Variants in CD247 observed in about 807,000 individuals in gnomAD.
CD247 encodes T-cell surface glycoprotein CD3 zeta chain.
A neutral mutation model predicts 30.0 loss-of-function variants in CD247; 13 were observed. That is an observed-to-expected ratio of 0.43 (90% CI 0.28 to 0.69). The LOEUF is 0.69. Ranked by LOEUF, CD247 falls within the 30% of genes least tolerant of loss-of-function variation. The pLI is 0.16. For synonymous variants in CD247, 72 were observed against 80.0 expected (o/e 0.90, Z 0.53); for missense variants, 193 against 212.6 (o/e 0.91, Z 0.57).
intron 5 of CD247, chr1:167,434,413 A>C: frequency 1.0e-5 from 4 of 401,144 alleles, no homozygotes; most frequent in East Asian, 5.7e-5. Flanking sequence ...GAGCCCCAGA[A>C]TCATTTATCT....
intron 1 of CD247, among the ~76,000 whole-genome samples, chr1:167,480,641 G>A (rs1047184874): frequency 3.9e-5 from 6 of 152,336 alleles, no homozygotes; most frequent in African/African-American, 1.4e-4. Context: ...ATAGTTTGGA[G>A]GATGGTTTAA....
intron 1 of CD247, among the ~76,000 whole-genome samples, chr1:167,460,960 G>A (rs184015497): frequency 2.3e-4 from 35 of 152,376 alleles, no homozygotes; most frequent in African/African-American, 8.2e-4. Context: ...CTTTCCTGGA[G>A]GTGTGTTTGT....
intron 5 of CD247, chr1:167,434,327 CAA>C (rs1651422770): frequency 3.6e-6 from 2 of 560,524 alleles, no homozygotes; most frequent in Admixed American, 3.1e-5. Context: ...CTGAGGGGCT[CAA>C]GTTAGGCTCA....
intron 1 of CD247, among the ~76,000 whole-genome samples, chr1:167,452,532 C>T (rs952223995): frequency 3.9e-5 from 6 of 152,040 alleles, no homozygotes; most frequent in African/African-American, 7.3e-5. Flanking sequence ...TGGCACCTCA[C>T]GAGTGGTCAT....
chr1:167,498,051 C>T (rs1242966447), intron 1 of CD247, among the ~76,000 whole-genome samples: 4 of 152,160 alleles, frequency 2.6e-5, no homozygotes, highest in Non-Finnish European at 4.4e-5. Flanking sequence ...GGTGATGGTG[C>T]CATAGCTTGA....
rs1305621320 is a variant in CD247 at position 167,450,575 on chromosome 1, A to T, written c.59-9808T>A. ...AGTCCAAGAGATAAATCAGCAAAAG[A>T]TATAAATAGGCAATTCGCAGAGACA... On this transcript the variant is annotated intron_variant, in intron 1 of 7. Coordinates refer to ENST00000362089, the MANE Select transcript of CD247 (RefSeq NM_198053.3). Among the ~76,000 whole-genome samples, 4 of 152,240 alleles carry T rather than the reference A, an allele frequency of 2.6e-5. No individual in the cohort carries two copies. The East Asian group carries it at 7.7e-4, about 29-fold the overall frequency.
intron 1 of CD247, among the ~76,000 whole-genome samples, chr1:167,484,191 G>C (rs1429169512): frequency 6.6e-6 from 1 of 152,198 alleles, no homozygotes; most frequent in Admixed American, 6.5e-5. Flanking sequence ...TTCCTTTCTT[G>C]TTTCTCTGGG....
intron 1 of CD247, among the ~76,000 whole-genome samples, chr1:167,503,008 G>A (rs906473031): frequency 7.9e-5 from 12 of 152,180 alleles, no homozygotes; most frequent in African/African-American, 2.9e-4. Context: ...GCAGCCCTAG[G>A]AAATGAATAC....
Position 167,462,993 on chromosome 1 carries a change from T to C in CD247, c.59-22226A>G, listed in dbSNP as rs565685111. Among the ~76,000 whole-genome samples the C allele has an allele frequency of 1.4e-4, 22 of 152,322 alleles. No homozygotes were observed. The South Asian group carries it at 4.4e-3, about 30-fold the overall frequency. On this transcript the variant is annotated intron_variant, in intron 1 of 7. Coordinates refer to ENST00000362089, the MANE Select transcript of CD247 (RefSeq NM_198053.3). ...GCCTGTCTCCTCAGATAGCCTTGGG[T>C]GCCAGGTTACCTGGCATCCCTGGCC...
At chr1:167,513,625 T>G (rs1417572577) in intron 1 of CD247, among the ~76,000 whole-genome samples, 1 of 152,234 alleles carries the variant, frequency 6.6e-6, no homozygotes, top group Admixed American at 6.5e-5. Context: ...TCCAGTCTTT[T>G]GCTACCTGAT....
chr1:167,504,991 C>T (rs1655054777), intron 1 of CD247, among the ~76,000 whole-genome samples: 1 of 152,214 alleles, frequency 6.6e-6, no homozygotes, highest in African/African-American at 2.4e-5. Flanking sequence ...AGAGTCCTCA[C>T]AATACCAAAT....
At chr1:167,513,770 G>A (rs1256256466) in intron 1 of CD247, among the ~76,000 whole-genome samples, 2 of 152,100 alleles carry the variant, frequency 1.3e-5, no homozygotes, top group Admixed American at 6.5e-5. Flanking sequence ...TAGTTATAAT[G>A]TTAGTTGAAT....
At chr1:167,502,621 A>G (rs567545955) in intron 1 of CD247, among the ~76,000 whole-genome samples, 51 of 152,294 alleles carry the variant, frequency 3.3e-4, no homozygotes, top group African/African-American at 1.1e-3. Context: ...ACACCCTCTG[A>G]ATGTCACCTT....
At chr1:167,505,583 C>A (rs933036279) in intron 1 of CD247, among the ~76,000 whole-genome samples, 2 of 152,270 alleles carry the variant, frequency 1.3e-5, no homozygotes, top group East Asian at 3.8e-4. Flanking sequence ...CTGCCCCTCG[C>A]CCTCCGGCAG....
At chr1:167,439,472 C>A in intron 2 of CD247, 72 bp from the exon 3 acceptor site, 1 of 1,411,420 alleles carries the variant, frequency 7.1e-7, no homozygotes, top group South Asian at 1.1e-5. Flanking sequence ...CCAGGGCGCG[C>A]GGCGACCCGA....
chr1:167,512,207 G>A lies in CD247; in HGVS notation c.58+6201C>T, dbSNP rs367818297. Among the ~76,000 whole-genome samples, 4 of 152,050 alleles carry A rather than the reference G, an allele frequency of 2.6e-5. 1 individual carries two copies. Among genetic ancestry groups the A allele is most frequent in the Non-Finnish European group, 4.4e-5 (3 of 68,012 alleles). On this transcript the variant is annotated intron_variant, in intron 1 of 7. Transcript: ENST00000362089. ...TTCTCACCAACCGAAGTCCTTGCAC[G>A]GCCCCCAATAAATCTGCAGCCGACG... is the stretch of plus-strand genomic sequence containing the variant.
chr1:167,496,984 T>C (rs922302623), intron 1 of CD247, among the ~76,000 whole-genome samples: 1 of 152,102 alleles, frequency 6.6e-6, no homozygotes, highest in African/African-American at 2.4e-5. Flanking sequence ...CTGCCAGGAG[T>C]GCATTCCAAA....
intron 1 of CD247, among the ~76,000 whole-genome samples, chr1:167,446,243 T>G (rs1652072312): frequency 6.6e-6 from 1 of 152,164 alleles, no homozygotes; most frequent in South Asian, 2.1e-4. Context: ...AACGTTCCAC[T>G]TCAAGTCCGC....
In CD247 at chr1:167,494,207, C is replaced by T. The variant is rs982017400; in HGVS notation, c.58+24201G>A. 5.3e-5 allele frequency among the ~76,000 whole-genome samples: 8 copies of T among 152,286 alleles called. No individual in the cohort carries two copies. The East Asian group carries it at 1.5e-3, about 29-fold the overall frequency. On this transcript the variant is annotated intron_variant, in intron 1 of 7. Coordinates refer to ENST00000362089, the MANE Select transcript of CD247 (RefSeq NM_198053.3). This position sits in a 1 kb window ranked among gnomAD's most constrained non-coding sequence, Gnocchi z 7.3. The stretch of plus-strand genomic sequence containing the variant: ...ATGGAGGTGGCTAGTGAATAAAACA[C>T]TTCTGAAGGGTCTTTGCTGCCTGTG...
Sources: allele counts gnomAD v4.1 joint callset (sites outside exome capture counted in the v4.1 genomes callset), GRCh38; gene constraint gnomAD v4.1.1; non-coding constraint Gnocchi (gnomAD v3.1); transcripts MANE v1.5; gene names NCBI Gene and HGNC (gene_info 2026-07-23, HGNC 2026-07-21).